The following ERCC8 variants were observed in gnomAD, a reference collection of about 807,000 sequenced individuals.
ERCC8 encodes DNA excision repair protein ERCC-8.
A neutral mutation model predicts 54.9 loss-of-function variants in ERCC8; 52 were observed. The observed-to-expected ratio is 0.95, with a 90% CI of 0.76 to 1.19. ERCC8 has a LOEUF of 1.19. ERCC8 is among the 50% of genes most tolerant of loss of function. ERCC8 has a pLI of 0.00. For synonymous variants in ERCC8, 146 were observed against 157.2 expected (o/e 0.93, Z 0.53); for missense variants, 514 against 466.1 (o/e 1.10, Z -0.95).
At chr5:60,880,925 A>T (rs931719503) in intron 11 of ERCC8, among the ~76,000 whole-genome samples, 1 of 152,038 alleles carries the variant, frequency 6.6e-6, no homozygotes, top group Non-Finnish European at 1.5e-5. Flanking sequence ...GTTCCTTTGG[A>T]GGAGGAGAGG....
chr5:60,933,002 A>T (rs1749953749), intron 1 of ERCC8, among the ~76,000 whole-genome samples: 1 of 152,122 alleles, frequency 6.6e-6, no homozygotes, highest in African/African-American at 2.4e-5. Context: ...CTGGTTATTA[A>T]TAGCTAGCAT....
At position 60,899,779 on chromosome 5, in the gene ERCC8, A is replaced by G. The variant is rs576959093; in HGVS notation, c.618-52T>C. The G allele has an allele frequency of 3.1e-6, 4 of 1,288,640 alleles. No homozygotes were observed. The East Asian group carries it at 9.3e-5, about 30-fold the overall frequency. 79.8% of individuals were successfully genotyped at this position (1,288,640 alleles called of 1,614,324 possible). ...CATATGTAGCTAGGACAATGACTGTACCCCTCACCCACCTTTCTAATTTTA... is the reference window on the plus strand; with the variant it reads ...CATATGTAGCTAGGACAATGACTGTGCCCCTCACCCACCTTTCTAATTTTA... On this transcript the variant is annotated intron_variant, in intron 7 of 11. Coordinates refer to ENST00000676185, the MANE Select transcript of ERCC8 (RefSeq NM_000082.4).
intron 11 of ERCC8, among the ~76,000 whole-genome samples, chr5:60,883,006 T>A (rs1820083): frequency 1.4e-5 from 2 of 141,128 alleles, no homozygotes; most frequent in Non-Finnish European, 3.0e-5. Context: ...CACACACACA[T>A]GTCTGTAGGT....
intron 11 of ERCC8, among the ~76,000 whole-genome samples, chr5:60,874,966 T>C (rs1747955361): frequency 6.6e-6 from 1 of 152,178 alleles, no homozygotes; most frequent in Admixed American, 6.5e-5. Context: ...ACATATACTA[T>C]GATGCTGCCA....
Position 60,873,795 on chromosome 5 carries a change from T to C in ERCC8, c.*820A>G, listed in dbSNP as rs1055562827. On this transcript the variant is annotated 3_prime_UTR_variant, in exon 12 of 12. Coordinates refer to ENST00000676185, the MANE Select transcript of ERCC8 (RefSeq NM_000082.4). ...AGGATCAGGAAGGGAAAATTAAGATTACCTTCATGATAATCACGTGTGGGT... is the reference window on the plus strand; with the variant it reads ...AGGATCAGGAAGGGAAAATTAAGATCACCTTCATGATAATCACGTGTGGGT... The C allele has an allele frequency of 6.6e-6, 1 of 152,232 alleles. No homozygotes were observed. Among genetic ancestry groups the C allele is most frequent in the African/African-American group, 2.4e-5 (1 of 41,466 alleles). The allele number at this position is 152,232 out of a possible 1,614,324, so 9.4% of individuals were successfully genotyped here. A position where few individuals can be genotyped will look rare whatever the true frequency, so the allele number is the denominator to read the frequency against.
chr5:60,921,024 A>T (rs1427286753), intron 3 of ERCC8, among the ~76,000 whole-genome samples: 1 of 151,902 alleles, frequency 6.6e-6, no homozygotes, highest in East Asian at 1.9e-4. Context: ...TGTACTAAGT[A>T]TTCCTGTAAG....
intron 11 of ERCC8, 23 bp downstream of exon 11, chr5:60,887,417 C>G: frequency 6.5e-7 from 1 of 1,538,058 alleles, no homozygotes; most frequent in Non-Finnish European, 9.0e-7. Context: ...AGTCACTGTA[C>G]CATTTGTGAA....
chr5:60,919,923 T>C (rs1030414257), intron 3 of ERCC8, among the ~76,000 whole-genome samples: 1 of 152,010 alleles, frequency 6.6e-6, no homozygotes, highest in African/African-American at 2.4e-5. Context: ...GGGTGGATTG[T>C]AGGGAACATG....
intron 8 of ERCC8, 29 bp from the exon 9 acceptor site, chr5:60,898,429 C>T (rs1309953328): frequency 1.2e-6 from 2 of 1,612,224 alleles, no homozygotes. Flanking sequence ...TTCAGTTTAT[C>T]TGTTCTTGTA....
intron 11 of ERCC8, among the ~76,000 whole-genome samples, chr5:60,879,523 T>C (rs1438528929): frequency 1.3e-5 from 2 of 152,244 alleles, no homozygotes; most frequent in African/African-American, 2.4e-5. Flanking sequence ...TTTAGGTCTC[T>C]AAGGACTTGT....
chr5:60,911,990 T>C (rs1163950318), intron 4 of ERCC8, among the ~76,000 whole-genome samples: 3 of 152,244 alleles, frequency 2.0e-5, no homozygotes, highest in East Asian at 1.9e-4. Flanking sequence ...TTTTGTTTAC[T>C]GTAGCCTGGT....
chr5:60,887,668 C>T (rs1020423379), intron 10 of ERCC8, 148 bp from the exon 11 acceptor site: 3 of 677,212 alleles, frequency 4.4e-6, no homozygotes, highest in Non-Finnish European at 7.9e-6. Context: ...TGCTGTTTTT[C>T]CTTTGTTTCT....
intron 3 of ERCC8, among the ~76,000 whole-genome samples, chr5:60,921,150 C>G (rs114691972): frequency 6.6e-6 from 1 of 151,818 alleles, no homozygotes; most frequent in East Asian, 1.9e-4. Context: ...ATACTGATTT[C>G]TAAAATAAAA....
chr5:60,882,768 G>A (rs768178214), intron 11 of ERCC8, among the ~76,000 whole-genome samples: 13 of 152,144 alleles, frequency 8.5e-5, no homozygotes, highest in Non-Finnish European at 1.8e-4. Flanking sequence ...GTATACTGAA[G>A]TCTGTTCATT....
chr5:60,884,912 T>C (rs574189147), intron 11 of ERCC8, among the ~76,000 whole-genome samples: 1 of 152,290 alleles, frequency 6.6e-6, no homozygotes, highest in Non-Finnish European at 1.5e-5. Flanking sequence ...TTTTCTAACT[T>C]GTTTTGCTTA....
chr5:60,932,606 C>T (rs553876141), intron 1 of ERCC8, among the ~76,000 whole-genome samples: 1 of 152,290 alleles, frequency 6.6e-6, no homozygotes. Flanking sequence ...TTCTTGGAAG[C>T]CTGTGCCTGG....
At chr5:60,889,885 A>G (rs909756585) in intron 10 of ERCC8, among the ~76,000 whole-genome samples, 3 of 152,050 alleles carry the variant, frequency 2.0e-5, no homozygotes, top group African/African-American at 7.2e-5. Flanking sequence ...ATACCTTCTT[A>G]TTGACTAATA....
At chr5:60,938,077 ATATATATATT>A (rs1302195106) in intron 1 of ERCC8, among the ~76,000 whole-genome samples, 2 of 18,288 alleles carry the variant, frequency 1.1e-4, no homozygotes, top group African/African-American at 4.5e-4. Context: ...ATATATATAT[ATATATATATT>A]TTATTTTTTT....
At position 60,874,495 on chromosome 5, in the gene ERCC8, G is replaced by T; in HGVS notation, c.*120C>A. ...ATATTAACCTCATTTTAAAACATGA[G>T]GAAAAATATTACCCACATTTAGGGC... On this transcript the variant is annotated 3_prime_UTR_variant, in exon 12 of 12. Coordinates refer to ENST00000676185, the MANE Select transcript of ERCC8 (RefSeq NM_000082.4). 1.2e-6 allele frequency: 1 copy of T among 817,410 alleles called. No homozygotes were observed. Among genetic ancestry groups the T allele is most frequent in the Non-Finnish European group, 2.0e-6 (1 of 501,264 alleles). The allele number at this position is 817,410 out of a possible 1,614,324, so 50.6% of individuals were successfully genotyped here. A position where few individuals can be genotyped will look rare whatever the true frequency, so the allele number is the denominator to read the frequency against.
Sources: gnomAD v4.1 joint callset for allele counts (sites outside exome capture counted in the v4.1 genomes callset) on GRCh38, gnomAD v4.1.1 for gene constraint, MANE v1.5 for transcripts, NCBI Gene and HGNC (gene_info 2026-07-23, HGNC 2026-07-21) for gene names.